Variants in PXDNL observed in about 807,000 individuals in gnomAD.
PXDNL encodes peroxidasin like, also known as probable oxidoreductase PXDNL.
In PXDNL, 145 loss-of-function variants were observed where a neutral mutation model predicts 150.8. The observed-to-expected ratio is 0.96, with a 90% CI of 0.84 to 1.10. PXDNL has a LOEUF of 1.10. Among genes scored for constraint, PXDNL ranks in the 50% least tolerant of loss-of-function variants. PXDNL has a pLI of 0.00. For synonymous variants in PXDNL, 757 were observed against 725.7 expected, an observed-to-expected ratio of 1.04 and a Z score of -0.69; for missense variants, 2,087 against 1,873.9, an observed-to-expected ratio of 1.11 and a Z score of -2.10.
At chr8:51,628,728 T>C (rs549695967) in intron 2 of PXDNL, among the ~76,000 whole-genome samples, 1 of 151,992 alleles carries the variant, frequency 6.6e-6, no homozygotes, top group African/African-American at 2.4e-5. Context: ...TTATTTTTCA[T>C]TTTGATTCCT....
intron 4 of PXDNL, among the ~76,000 whole-genome samples, chr8:51,508,941 C>G (rs929369944): frequency 2.6e-5 from 4 of 152,180 alleles, no homozygotes; most frequent in Non-Finnish European, 5.9e-5. Context: ...CATCCTACAT[C>G]TAAGTGGTTG....
intron 1 of PXDNL, among the ~76,000 whole-genome samples, chr8:51,695,448 A>G (rs7007804): frequency 0.67 from 101,639 of 151,854 alleles, 35,136 homozygotes; most frequent in East Asian, 0.81. Context: ...GAGACAGATC[A>G]GAGCAGTAAA....
intron 1 of PXDNL, among the ~76,000 whole-genome samples, chr8:51,791,766 G>A (rs958332817): frequency 1.3e-5 from 2 of 152,182 alleles, no homozygotes; most frequent in African/African-American, 4.8e-5. Flanking sequence ...TAGTGGCAAA[G>A]AAAAATTCAA....
chr8:51,798,396 C>G (rs538652804), intron 1 of PXDNL, among the ~76,000 whole-genome samples: 1 of 152,198 alleles, frequency 6.6e-6, no homozygotes, highest in Non-Finnish European at 1.5e-5. Flanking sequence ...AGTGAACAGA[C>G]AACATACAGA....
intron 2 of PXDNL, among the ~76,000 whole-genome samples, chr8:51,634,026 T>C (rs926988548): frequency 4.6e-5 from 7 of 152,150 alleles, no homozygotes; most frequent in Non-Finnish European, 1.0e-4. Context: ...GCAATTGCTT[T>C]TGAGGACTTA....
chr8:51,461,639 G>A (rs567740308), intron 8 of PXDNL, among the ~76,000 whole-genome samples: 1 of 152,290 alleles, frequency 6.6e-6, no homozygotes, highest in African/African-American at 2.4e-5. Context: ...AAGCACAGAG[G>A]ACCAGTGGGC....
intron 5 of PXDNL, among the ~76,000 whole-genome samples, chr8:51,487,345 T>C (rs945044337): frequency 6.6e-6 from 1 of 152,060 alleles, no homozygotes. Context: ...GATGTATCCC[T>C]TGAAAATCCA....
intron 1 of PXDNL, among the ~76,000 whole-genome samples, chr8:51,700,342 C>T (rs1440506508): frequency 6.6e-6 from 1 of 152,050 alleles, no homozygotes; most frequent in Middle Eastern, 3.4e-3. Context: ...CATATACACA[C>T]ACATACATAC....
At chr8:51,760,856 T>TTTTTTTTTTTTG in intron 1 of PXDNL, among the ~76,000 whole-genome samples, 1 of 73,510 alleles carries the variant, frequency 1.4e-5, no homozygotes, top group Non-Finnish European at 3.3e-5. Flanking sequence ...TTTTTTTTTT[T>TTTTTTTTTTTTG]TTTTTTTTTT....
chr8:51,428,827 GA>G (rs144066174), intron 12 of PXDNL, among the ~76,000 whole-genome samples: 5,795 of 151,858 alleles, frequency 0.038, 345 homozygotes, highest in African/African-American at 0.13. Context: ...ATCTATTAAA[GA>G]AAAAAAATGA....
rs548300972 is a variant in PXDNL at position 51,497,016 on chromosome 8, C to A, written c.452+2683G>T. On this transcript the variant is annotated intron_variant, in intron 5 of 22. Transcript: ENST00000356297. Reference sequence around the variant, plus strand: ...AAAAGAACAAAGCTGGAGGCATCACCCTACCTGACTTCAAACTATACTACA... The same window carrying A: ...AAAAGAACAAAGCTGGAGGCATCACACTACCTGACTTCAAACTATACTACA... Among the ~76,000 whole-genome samples the A allele has an allele frequency of 5.8e-4, 88 of 152,112 alleles. 1 individual carries two copies. Among genetic ancestry groups the A allele is most frequent in the African/African-American group, 2.0e-3 (85 of 41,526 alleles).
At chr8:51,633,766 C>T (rs905615913) in intron 2 of PXDNL, among the ~76,000 whole-genome samples, 6 of 152,088 alleles carry the variant, frequency 3.9e-5, no homozygotes, top group Admixed American at 3.9e-4. Flanking sequence ...TGTTTGTTGG[C>T]CGCTTGTATG....
intron 1 of PXDNL, among the ~76,000 whole-genome samples, chr8:51,673,999 A>T (rs936515793): frequency 3.3e-5 from 5 of 152,184 alleles, no homozygotes; most frequent in Admixed American, 2.0e-4. Flanking sequence ...AAGACTAAAA[A>T]CTTGAAGCTG....
intron 2 of PXDNL, among the ~76,000 whole-genome samples, chr8:51,648,234 C>T (rs1007264545): frequency 6.6e-6 from 1 of 152,116 alleles, no homozygotes; most frequent in Admixed American, 6.5e-5. Context: ...AATATCAGGT[C>T]GTAATTCCTG....
At chr8:51,654,545 G>T in intron 2 of PXDNL, 144 bp downstream of exon 2, 1 of 635,262 alleles carries the variant, frequency 1.6e-6, no homozygotes, top group Non-Finnish European at 2.8e-6. Flanking sequence ...TAAAGAAGCA[G>T]CAGAATTTTC....
chr8:51,772,347 AT>A (rs1302946793), intron 1 of PXDNL, among the ~76,000 whole-genome samples: 1 of 151,902 alleles, frequency 6.6e-6, no homozygotes, highest in Non-Finnish European at 1.5e-5. Context: ...TTCTGGGGAA[AT>A]CGTGTGGTGT....
At chr8:51,615,646 T>C (rs1263942487) in intron 2 of PXDNL, among the ~76,000 whole-genome samples, 1 of 152,088 alleles carries the variant, frequency 6.6e-6, no homozygotes, top group Non-Finnish European at 1.5e-5. Context: ...TCAATGTGAG[T>C]GAAATTTCAA....
intron 1 of PXDNL, among the ~76,000 whole-genome samples, chr8:51,663,231 C>A (rs1293699301): frequency 6.6e-6 from 1 of 152,188 alleles, no homozygotes; most frequent in Non-Finnish European, 1.5e-5. Context: ...GCCCTGCCTG[C>A]GCTTAAATGT....
intron 2 of PXDNL, among the ~76,000 whole-genome samples, chr8:51,632,103 T>C (rs530387774): frequency 3.8e-4 from 57 of 151,760 alleles, no homozygotes; most frequent in African/African-American, 1.3e-3. Context: ...TGGCTATGAC[T>C]CCAAAACAAC....
Sources: gnomAD v4.1 joint callset for allele counts (sites outside exome capture counted in the v4.1 genomes callset) on GRCh38, gnomAD v4.1.1 for gene constraint, MANE v1.5 for transcripts, NCBI Gene and HGNC (gene_info 2026-07-23, HGNC 2026-07-21) for gene names.